Variants in TAF3 observed in about 807,000 individuals in gnomAD.
TAF3 encodes the protein TATA-box binding protein associated factor 3.
In TAF3, 7 loss-of-function variants were observed where a neutral mutation model predicts 80.6. That is an observed-to-expected ratio of 0.09 (90% CI 0.05 to 0.16). The LOEUF (loss-of-function observed/expected upper bound fraction) is 0.16, where lower values mean the gene tolerates loss of function less well. TAF3 is among the 10% of genes least tolerant of loss of function. The pLI is 1.00. For missense variants in TAF3, 921 were observed against 1,140.2 expected (o/e 0.81, Z 2.77); for synonymous variants, 444 against 446.1 (o/e 1.00, Z 0.06).
At chr10:7,936,342 G>T (rs1035391968) in intron 2 of TAF3, among the ~76,000 whole-genome samples, 1 of 151,994 alleles carries the variant, frequency 6.6e-6, no homozygotes, top group African/African-American at 2.4e-5. Flanking sequence ...GTCATCCCTG[G>T]GAGCTTCTAG....
At chr10:7,938,850 G>A (rs1837949968) in intron 2 of TAF3, among the ~76,000 whole-genome samples, 1 of 152,230 alleles carries the variant, frequency 6.6e-6, no homozygotes, top group South Asian at 2.1e-4. Flanking sequence ...TAAATCCTGA[G>A]GGAGCGGAGA....
chr10:7,862,904 C>T (rs757032550), intron 2 of TAF3, among the ~76,000 whole-genome samples: 60 of 152,128 alleles, frequency 3.9e-4, no homozygotes, highest in Admixed American at 1.4e-3. Flanking sequence ...TGTTCCATTA[C>T]GTGTATATGC....
chr10:8,006,237 G>A (rs1370848326), intron 4 of TAF3, among the ~76,000 whole-genome samples: 2 of 151,008 alleles, frequency 1.3e-5, no homozygotes, highest in South Asian at 2.1e-4. Context: ...TTAGCTGGGC[G>A]TGGTGGTGCA....
At chr10:8,013,228 A>T (rs1037341089) in intron 5 of TAF3, among the ~76,000 whole-genome samples, 1 of 152,186 alleles carries the variant, frequency 6.6e-6, no homozygotes, top group Non-Finnish European at 1.5e-5. Flanking sequence ...CAGCTCCTTC[A>T]GGAGAAGGGC....
At chr10:7,833,360 C>T (rs938976005) in intron 2 of TAF3, among the ~76,000 whole-genome samples, 1 of 152,208 alleles carries the variant, frequency 6.6e-6, no homozygotes, top group Non-Finnish European at 1.5e-5. Flanking sequence ...TCCCTGCTAA[C>T]ACTTGTTACC....
chr10:8,007,843 G>A (rs903709282), intron 4 of TAF3, among the ~76,000 whole-genome samples: 1 of 151,672 alleles, frequency 6.6e-6, no homozygotes, highest in Non-Finnish European at 1.5e-5. Context: ...AATAAATAGT[G>A]CTTTTTATAA....
chr10:8,011,567 C>T (rs1440709615), intron 5 of TAF3, among the ~76,000 whole-genome samples: 6 of 152,176 alleles, frequency 3.9e-5, no homozygotes, highest in East Asian at 1.9e-4. Flanking sequence ...TGAGCAACCA[C>T]GCCTGGCCTA....
intron 2 of TAF3, among the ~76,000 whole-genome samples, chr10:7,872,794 A>G (rs765338336): frequency 5.7e-4 from 87 of 152,194 alleles, no homozygotes; most frequent in Non-Finnish European, 1.1e-3. Flanking sequence ...AACTACTAAA[A>G]TAGTATTAAA....
Position 7,964,164 on chromosome 10 carries a change from A to G in TAF3, c.654A>G (p.Ser218=), listed in dbSNP as rs760131441. ...TGGAAGCTCGAGAGCCACTCAGCTC[A>G]ATAAATACTCAAAAGATCCCACCAA... ...VLLEAREPLS[S]INTQKIPPML... is the part of the protein sequence containing the mutation. Residue 218 remains serine, a synonymous_variant, in exon 3 of 7, where the codon TCA becomes TCG. Transcript: ENST00000344293. The surrounding 1 kb of genome is among the most constrained non-coding windows in gnomAD (Gnocchi z 4.1). 1.9e-6 allele frequency: 3 copies of G among 1,614,220 alleles called. No individual in the cohort carries two copies. Among genetic ancestry groups the G allele is most frequent in the Non-Finnish European group, 1.7e-6 (2 of 1,180,036 alleles).
In TAF3 at chr10:7,931,422, C is replaced by T. The variant is rs148625925; in HGVS notation, c.410-32498C>T. On this transcript the variant is annotated intron_variant, in intron 2 of 6. Transcript: ENST00000344293. ...AGAGTCCCCTTACTATTTTCCCCTG[C>T]GATAGATTTTCCATGGATACTTGAA... 3.8e-3 allele frequency among the ~76,000 whole-genome samples: 573 copies of T among 152,116 alleles called. 4 individuals are homozygous for T. Among genetic ancestry groups the T allele is most frequent in the South Asian group, 0.02 (94 of 4,794 alleles).
chr10:7,905,598 A>G (rs1295435488), intron 2 of TAF3, among the ~76,000 whole-genome samples: 1 of 152,144 alleles, frequency 6.6e-6, no homozygotes, highest in Non-Finnish European at 1.5e-5. Context: ...AAACTTAAGC[A>G]GGGCCAGGCG....
At chr10:7,833,335 C>A (rs182516191) in intron 2 of TAF3, among the ~76,000 whole-genome samples, 1 of 152,138 alleles carries the variant, frequency 6.6e-6, no homozygotes, top group African/African-American at 2.4e-5. Flanking sequence ...ACAAGGATTC[C>A]CCCTTTTCTC....
intron 2 of TAF3, among the ~76,000 whole-genome samples, chr10:7,883,002 G>A (rs1354488740): frequency 1.3e-5 from 2 of 152,050 alleles, no homozygotes; most frequent in Non-Finnish European, 1.5e-5. Flanking sequence ...TATTTCAGTG[G>A]GTACTTTCTA....
chr10:7,926,845 T>C (rs1199316500), intron 2 of TAF3, among the ~76,000 whole-genome samples: 1 of 152,210 alleles, frequency 6.6e-6, no homozygotes, highest in African/African-American at 2.4e-5. Flanking sequence ...CATGGGTAAA[T>C]TTACTTTATC....
chr10:7,899,101 T>C (rs1837535004), intron 2 of TAF3, among the ~76,000 whole-genome samples: 1 of 152,198 alleles, frequency 6.6e-6, no homozygotes, highest in Non-Finnish European at 1.5e-5. Context: ...TAAGAGAGCA[T>C]TTAAGAGACT....
intron 4 of TAF3, among the ~76,000 whole-genome samples, chr10:7,995,403 C>T (rs1410859649): frequency 2.6e-5 from 4 of 152,274 alleles, no homozygotes; most frequent in African/African-American, 9.6e-5. Flanking sequence ...ATGCCTTTTT[C>T]CCTATGACCT....
Position 7,949,892 on chromosome 10 carries a change from C to T in TAF3, c.410-14028C>T, listed in dbSNP as rs535727039. 1.1e-4 allele frequency among the ~76,000 whole-genome samples: 17 copies of T among 152,286 alleles called. No individual in the cohort carries two copies. The South Asian group carries it at 1.2e-3, about 11-fold the overall frequency. On this transcript the variant is annotated intron_variant, in intron 2 of 6. Coordinates refer to ENST00000344293, the MANE Select transcript of TAF3 (RefSeq NM_031923.4). ...TTCACCCATCGGCAGGCAGTGACTG[C>T]GCATCACCACTGCCTGTCCAATAAA...
chr10:7,882,021 G>A (rs1837366938), intron 2 of TAF3, among the ~76,000 whole-genome samples: 1 of 152,178 alleles, frequency 6.6e-6, no homozygotes, highest in African/African-American at 2.4e-5. Context: ...TGTCGATTGG[G>A]CACCTACAGT....
At chr10:7,851,811 G>A (rs1837029441) in intron 2 of TAF3, among the ~76,000 whole-genome samples, 2 of 152,004 alleles carry the variant, frequency 1.3e-5, no homozygotes, top group African/African-American at 4.8e-5. Flanking sequence ...TCAAGACAGG[G>A]TCTCACTCTG....
Sources: allele counts gnomAD v4.1 joint callset (sites outside exome capture counted in the v4.1 genomes callset), GRCh38; gene constraint gnomAD v4.1.1; non-coding constraint Gnocchi (gnomAD v3.1); transcripts MANE v1.5; gene names NCBI Gene and HGNC (gene_info 2026-07-23, HGNC 2026-07-21).